ENPP2: variants seen among roughly 807,000 people sequenced by gnomAD.
The protein encoded by ENPP2 is autotaxin.
ENPP2 carries 51 observed loss-of-function variants against 120.2 expected under a neutral mutation model. That is an observed-to-expected ratio of 0.42 (90% CI 0.34 to 0.54). The LOEUF is 0.54. Ranked by LOEUF, ENPP2 falls within the 20% of genes least tolerant of loss-of-function variation. The probability of loss-of-function intolerance (pLI) is 0.04; values close to 1 mark genes in which losing one functional copy is unlikely to be tolerated. For missense variants in ENPP2, 920 were observed against 1,066.5 expected (o/e 0.86, Z 1.91); for synonymous variants, 365 against 366.4 (o/e 1.00, Z 0.04).
At chr8:119,569,041 C>T (rs917449196) in intron 21 of ENPP2, among the ~76,000 whole-genome samples, 194 bp downstream of exon 21, 10 of 152,138 alleles carry the variant, frequency 6.6e-5, no homozygotes, top group Admixed American at 2.6e-4. Flanking sequence ...CATTAGAATT[C>T]CCCTGGAGAA....
intron 19 of ENPP2, among the ~76,000 whole-genome samples, chr8:119,574,504 A>G (rs1812200024): frequency 6.6e-6 from 1 of 151,988 alleles, no homozygotes. Context: ...CAGTTTTGGT[A>G]CATGCCAAGG....
chr8:119,561,450 T>C (rs1471946750), intron 24 of ENPP2, among the ~76,000 whole-genome samples: 7 of 152,202 alleles, frequency 4.6e-5, no homozygotes, highest in African/African-American at 1.7e-4. Context: ...GTAGATTACA[T>C]CTCTACTCCT....
At chr8:119,573,961 A>C (rs892720439) in intron 19 of ENPP2, among the ~76,000 whole-genome samples, 2 of 137,778 alleles carry the variant, frequency 1.5e-5, no homozygotes, top group Admixed American at 1.7e-4. Context: ...TAATAAGGGG[A>C]AAAAATACAG....
chr8:119,584,594 T>A (rs889969211), intron 15 of ENPP2, among the ~76,000 whole-genome samples: 8 of 152,192 alleles, frequency 5.3e-5, no homozygotes, highest in African/African-American at 1.7e-4. Context: ...TCTATCAATA[T>A]ACAATACAAC....
chr8:119,638,850 T>G (rs1817171220), upstream of ENPP2: 12 of 1,610,062 alleles, frequency 7.5e-6, no homozygotes, highest in South Asian at 1.2e-4. Flanking sequence ...GCTTTGAGGC[T>G]CTGGGTTTAG....
At chr8:119,659,724 G>A (rs529296574) in intron 1 of ENPP2, among the ~76,000 whole-genome samples, 1 of 152,296 alleles carries the variant, frequency 6.6e-6, no homozygotes, top group East Asian at 1.9e-4. Flanking sequence ...GCTTCAAAGG[G>A]TGAAGAATAT....
At chr8:119,567,078 A>C (rs564160802) in intron 22 of ENPP2, among the ~76,000 whole-genome samples, 8 of 152,312 alleles carry the variant, frequency 5.3e-5, no homozygotes, top group African/African-American at 1.9e-4. Flanking sequence ...ACTCCCTTTC[A>C]GCCCTGAGAG....
intron 6 of ENPP2, 72 bp from the exon 7 acceptor site, chr8:119,617,315 A>G: frequency 7.8e-7 from 1 of 1,275,332 alleles, no homozygotes; most frequent in Non-Finnish European, 1.1e-6. Context: ...CATTTTATAA[A>G]CACTCAGACA....
rs753919036 is a variant in ENPP2, at chr8:119,569,327, C to T, written c.1961G>A (p.Arg654Gln). 10 of 1,613,892 alleles carry T rather than the reference C, an allele frequency of 6.2e-6. No homozygotes were observed. The African/African-American group carries it at 6.7e-5, about 11-fold the overall frequency. Residue 654 changes from arginine to glutamine, a missense_variant, in exon 21 of 25, where the codon CGG (arginine) becomes CAG (glutamine). Coordinates refer to ENST00000075322, the MANE Select transcript of ENPP2 (RefSeq NM_001040092.3). ...SVPDHLTSCV[R>Q]PDVRVSPSFS... ...ACTCGGAGAAACACGGACATCAGGC[C>T]GGACGCAACTGGTCAGATGGTCAGG...
At chr8:119,576,475 C>T (rs567215669) in intron 19 of ENPP2, among the ~76,000 whole-genome samples, 3 of 152,262 alleles carry the variant, frequency 2.0e-5, no homozygotes, top group South Asian at 4.1e-4. Flanking sequence ...AAACTAACTT[C>T]TCATTGTGTA....
intron 2 of ENPP2, among the ~76,000 whole-genome samples, chr8:119,629,506 G>A (rs1404920809): frequency 6.6e-5 from 10 of 152,060 alleles, no homozygotes; most frequent in Admixed American, 5.2e-4. Context: ...CTTTGTCCTC[G>A]TTAAAGTCTT....
At chr8:119,635,526 A>T (rs1437278497) in intron 2 of ENPP2, among the ~76,000 whole-genome samples, 1 of 152,270 alleles carries the variant, frequency 6.6e-6, no homozygotes, top group African/African-American at 2.4e-5. Context: ...AGACACCTGT[A>T]GACATATAAA....
chr8:119,653,930 A>G (rs1817694485), intron 1 of ENPP2, among the ~76,000 whole-genome samples: 1 of 148,708 alleles, frequency 6.7e-6, no homozygotes, highest in Non-Finnish European at 1.5e-5. Flanking sequence ...CTCTCTATAT[A>G]TTTTTTATCT....
chr8:119,583,632 C>A (rs1812902732), intron 17 of ENPP2, 85 bp downstream of exon 17: 1 of 765,128 alleles, frequency 1.3e-6, no homozygotes, highest in South Asian at 1.9e-5. Flanking sequence ...AAAATAGACA[C>A]CTCATTTCTT....
At chr8:119,651,773 A>G (rs1424647204) in intron 1 of ENPP2, among the ~76,000 whole-genome samples, 1 of 152,216 alleles carries the variant, frequency 6.6e-6, no homozygotes, top group Non-Finnish European at 1.5e-5. Flanking sequence ...CATCCTGGAC[A>G]TGTCATTTCA....
intron 3 of ENPP2, among the ~76,000 whole-genome samples, chr8:119,622,064 G>A (rs1815942477): frequency 1.3e-5 from 2 of 152,150 alleles, no homozygotes; most frequent in South Asian, 4.1e-4. Flanking sequence ...GAGTAGCTGG[G>A]ATTACAAACA....
intron 13 of ENPP2, among the ~76,000 whole-genome samples, chr8:119,587,504 C>T (rs2130386565): frequency 6.6e-6 from 1 of 152,288 alleles, no homozygotes. Context: ...CAAGTCTTCA[C>T]CCACTTTAAG....
chr8:119,648,696 A>G (rs1817543501), intron 1 of ENPP2, among the ~76,000 whole-genome samples: 1 of 152,240 alleles, frequency 6.6e-6, no homozygotes, highest in Non-Finnish European at 1.5e-5. Context: ...AGTGAAGGGC[A>G]TTCAACAAAC....
intron 1 of ENPP2, among the ~76,000 whole-genome samples, chr8:119,658,822 G>A (rs963218979): frequency 1.3e-5 from 2 of 152,188 alleles, no homozygotes; most frequent in Admixed American, 6.5e-5. Context: ...ACACAGGGAT[G>A]TTCAACTAAT....
Sources: allele counts gnomAD v4.1 joint callset (sites outside exome capture counted in the v4.1 genomes callset), GRCh38; gene constraint gnomAD v4.1.1; transcripts MANE v1.5; gene names NCBI Gene and HGNC (gene_info 2026-07-23, HGNC 2026-07-21).